SLC35G2: variants seen among roughly 807,000 people sequenced by gnomAD.
SLC35G2 encodes the protein transmembrane protein 22.
A neutral mutation model predicts 27.2 loss-of-function variants in SLC35G2; 20 were observed. The ratio of observed to expected loss-of-function variants is 0.74; its 90% CI spans 0.52 to 1.07. The LOEUF (loss-of-function observed/expected upper bound fraction) is 1.07. Among genes scored for constraint, SLC35G2 ranks in the 50% least tolerant of loss-of-function variants. The pLI is 0.00. For missense variants in SLC35G2, 416 were observed against 493.3 expected, an observed-to-expected ratio of 0.84 and a Z score of 1.48; for synonymous variants, 148 against 165.3, an observed-to-expected ratio of 0.90 and a Z score of 0.80.
chr3:136,846,621 A>G (rs1175203646), intron 1 of SLC35G2: 1 of 152,246 alleles, frequency 6.6e-6, no homozygotes, highest in Non-Finnish European at 1.5e-5. Flanking sequence ...TGGCACTTTG[A>G]TCAGAATGAC....
Position 136,854,874 on chromosome 3 carries a change from T to C in SLC35G2, c.414T>C (p.Phe138=), listed in dbSNP as rs1185270289. Residue 138 remains phenylalanine, a synonymous_variant, in exon 2 of 2, where the codon TTT becomes TTC. Transcript: ENST00000446465. ...RSKVPSLELI[F]IRSVFQVLSV... is the part of the protein sequence containing the mutation. Reference sequence around the variant, plus strand: ...AAGTTCCATCTCTAGAACTGATTTTTATCCGTTCTGTTTTTCAGGTCTTAT... The same window carrying C: ...AAGTTCCATCTCTAGAACTGATTTTCATCCGTTCTGTTTTTCAGGTCTTAT... The C allele has an allele frequency of 2.5e-6, 4 of 1,614,242 alleles. No homozygotes were observed. The highest frequency in any genetic ancestry group is 2.5e-6 in the Non-Finnish European group (3 of 1,180,022).
In SLC35G2 at chr3:136,855,272, C is replaced by G; in HGVS notation, c.812C>G (p.Ser271Ter). The change falls in exon 2 of 2, where the codon TCA (serine) becomes TGA (stop). Residue 271 changes from serine to a stop codon, truncating the protein, a stop_gained. Transcript: ENST00000446465. LOFTEE classifies it high-confidence loss of function. Reference protein sequence around the residue: ...TVMAGLTTALSMIVYRSIKEK... With the variant: ...TVMAGLTTAL ...ATGGCTGGACTGACCACTGCTCTCTCAATGATAGTATACAGATCCATCAAG... is the reference window on the plus strand; with the variant it reads ...ATGGCTGGACTGACCACTGCTCTCTGAATGATAGTATACAGATCCATCAAG... The G allele has an allele frequency of 6.2e-7, 1 of 1,614,178 alleles. No individual in the cohort carries two copies. The highest frequency in any genetic ancestry group is 8.5e-7 in the Non-Finnish European group (1 of 1,180,014).
chr3:136,827,406 G>T (rs1205654444), intron 1 of SLC35G2, among the ~76,000 whole-genome samples: 1 of 151,952 alleles, frequency 6.6e-6, no homozygotes, highest in Non-Finnish European at 1.5e-5. Context: ...TAGCGATGAG[G>T]TTTTGCCATG....
chr3:136,839,389 A>G (rs1239439390), intron 1 of SLC35G2, among the ~76,000 whole-genome samples: 1 of 152,224 alleles, frequency 6.6e-6, no homozygotes, highest in Non-Finnish European at 1.5e-5. Context: ...GCACCATCAT[A>G]GTCACACAAG....
chr3:136,848,387 G>A (rs1560018453), intron 1 of SLC35G2, among the ~76,000 whole-genome samples: 1 of 152,188 alleles, frequency 6.6e-6, no homozygotes, highest in Non-Finnish European at 1.5e-5. Flanking sequence ...GGGAGGCTGA[G>A]GTTGGTGGAT....
At chr3:136,836,770 ACT>A (rs1482511483) in intron 1 of SLC35G2, among the ~76,000 whole-genome samples, 1 of 152,152 alleles carries the variant, frequency 6.6e-6, no homozygotes, top group Non-Finnish European at 1.5e-5. Flanking sequence ...TAAATATCAC[ACT>A]GTGTTTTATC....
At position 136,855,160 on chromosome 3, in the gene SLC35G2, T is replaced by C. The variant is rs1241358798; in HGVS notation, c.700T>C (p.Cys234Arg). The change falls in exon 2 of 2, where the codon TGT becomes CGT. Residue 234 changes from cysteine (C) to arginine (R), a missense_variant. By Grantham distance (180) the Cys-to-Arg change is radical. Transcript: ENST00000446465. ...ATVVCSILGV[C>R]LVMIPNIVDE... Reference sequence around the variant, plus strand: ...AGTTGTTTGCAGCATCTTAGGTGTTTGTCTTGTCATGATCCCAAACATTGT... The same window carrying C: ...AGTTGTTTGCAGCATCTTAGGTGTTCGTCTTGTCATGATCCCAAACATTGT... The C allele has an allele frequency of 1.2e-6, 2 of 1,614,210 alleles. No individual in the cohort carries two copies. Among genetic ancestry groups the C allele is most frequent in the Non-Finnish European group, 1.7e-6 (2 of 1,180,040 alleles).
Position 136,854,909 on chromosome 3 carries a change from TTG to T in SLC35G2, c.455_456del (p.Cys152LeufsTer64). ...GTTTTTCAGGTCTTATCTGTGTTAG[TTG>T]TGTGTTACTATCAGGAGGCCCCCTT... is the stretch of plus-strand genomic sequence containing the variant. On this transcript the variant is annotated frameshift_variant, in exon 2 of 2. Transcript: ENST00000446465. LOFTEE classifies it high-confidence loss of function. The T allele has an allele frequency of 6.2e-7, 1 of 1,614,218 alleles. No individual in the cohort carries two copies. Among genetic ancestry groups the T allele is most frequent in the Non-Finnish European group, 8.5e-7 (1 of 1,180,026 alleles).
intron 1 of SLC35G2, chr3:136,820,608 A>G (rs1411854920): frequency 6.6e-6 from 1 of 152,254 alleles, no homozygotes; most frequent in East Asian, 1.9e-4. Flanking sequence ...TATGAAAGAT[A>G]CAGGTATGTG....
chr3:136,830,196 C>T (rs1936693221), intron 1 of SLC35G2, among the ~76,000 whole-genome samples: 1 of 151,180 alleles, frequency 6.6e-6, no homozygotes, highest in East Asian at 1.9e-4. Flanking sequence ...GCAATCTCCG[C>T]CTCCCAGGTT....
intron 1 of SLC35G2, chr3:136,839,095 C>A (rs915288441): frequency 9.5e-5 from 14 of 146,988 alleles, no homozygotes; most frequent in Admixed American, 4.2e-4. Context: ...GCTGCTGACT[C>A]ACAGGAAGGT....
At chr3:136,826,728 C>T (rs899452491) in intron 1 of SLC35G2, among the ~76,000 whole-genome samples, 1 of 151,822 alleles carries the variant, frequency 6.6e-6, no homozygotes, top group African/African-American at 2.4e-5. Context: ...CCTCTGTCTC[C>T]CCTGGCTCAA....
intron 1 of SLC35G2, among the ~76,000 whole-genome samples, chr3:136,835,263 CCTTAT>C (rs752656556): frequency 5.4e-5 from 8 of 149,324 alleles, no homozygotes; most frequent in Non-Finnish European, 1.0e-4. Flanking sequence ...CTCAATCCTT[CCTTAT>C]CTTTAGTGAC....
At chr3:136,853,802 G>C (rs1280325239) in intron 1 of SLC35G2, among the ~76,000 whole-genome samples, 1 of 152,116 alleles carries the variant, frequency 6.6e-6, no homozygotes, top group African/African-American at 2.4e-5. Flanking sequence ...GTAGAGGATA[G>C]TTAAAATCTT....
intron 1 of SLC35G2, among the ~76,000 whole-genome samples, chr3:136,851,260 C>T (rs777254510): frequency 1.3e-5 from 2 of 151,688 alleles, no homozygotes; most frequent in African/African-American, 2.4e-5. Context: ...TTTGGGAGGC[C>T]GAGGTGGGCA....
chr3:136,855,351 T>C lies in SLC35G2; in HGVS notation c.891T>C (p.Ile297=). ...ALFTFGWTGT[I]WGISTMFILQ... is the part of the protein sequence containing the mutation. ...TTACTTTTGGTTGGACTGGGACAATTTGGGGAATATCTACTATGTTTATTC... is the reference window on the plus strand; with the variant it reads ...TTACTTTTGGTTGGACTGGGACAATCTGGGGAATATCTACTATGTTTATTC... The change falls in exon 2 of 2, where the codon ATT becomes ATC. Residue 297 remains isoleucine, a synonymous_variant. Transcript: ENST00000446465. The C allele has an allele frequency of 6.2e-7, 1 of 1,614,164 alleles. No individual in the cohort carries two copies. The highest frequency in any genetic ancestry group is 1.1e-5 in the South Asian group (1 of 91,076).
At chr3:136,820,504 G>A (rs1205878445) in intron 1 of SLC35G2, 1 of 152,230 alleles carries the variant, frequency 6.6e-6, no homozygotes, top group Non-Finnish European at 1.5e-5. Flanking sequence ...AATGTGGCTT[G>A]CCTTGGAGGT....
Position 136,824,755 on chromosome 3 carries a change from A to T in SLC35G2, c.-19+5127A>T, listed in dbSNP as rs112399838. ...GATGTCCTTTATTTCTTGCTTTTTT[A>T]AAAAAATTATACTTTTTAAGTTCTA... On this transcript the variant is annotated intron_variant, in intron 1 of 1. Coordinates refer to ENST00000446465, the MANE Select transcript of SLC35G2 (RefSeq NM_025246.3). 4.2e-3 allele frequency among the ~76,000 whole-genome samples: 642 copies of T among 152,166 alleles called. 4 individuals carry two copies. Among genetic ancestry groups the T allele is most frequent in the African/African-American group, 0.012 (503 of 41,518 alleles).
chr3:136,841,533 A>C (rs1310169555), intron 1 of SLC35G2, among the ~76,000 whole-genome samples: 2 of 152,108 alleles, frequency 1.3e-5, no homozygotes, highest in Non-Finnish European at 2.9e-5. Context: ...GTTCGAGACC[A>C]GCCTGACTAA....
Sources: allele counts gnomAD v4.1 joint callset (sites outside exome capture counted in the v4.1 genomes callset), GRCh38; gene constraint gnomAD v4.1.1; transcripts MANE v1.5; gene names NCBI Gene and HGNC (gene_info 2026-07-23, HGNC 2026-07-21).